Variants in NRN1 observed in about 807,000 individuals in gnomAD.
The protein encoded by NRN1 is neuritin.
A neutral mutation model predicts 15.0 loss-of-function variants in NRN1; 4 were observed. The observed-to-expected ratio is 0.27, with a 90% confidence interval of 0.13 to 0.61. NRN1 has a LOEUF of 0.61. Among genes scored for constraint, NRN1 ranks in the 20% least tolerant of loss-of-function variants. NRN1 has a pLI of 0.87. For missense variants in NRN1, 134 were observed against 181.9 expected (o/e 0.74, Z 1.51); for synonymous variants, 85 against 79.8 (o/e 1.07, Z -0.35).
At chr6:5,999,226 CAG>C (rs1157636053) in intron 2 of NRN1, 22 bp from the exon 3 acceptor site, 2 of 1,594,656 alleles carry the variant, frequency 1.3e-6, no homozygotes, top group Non-Finnish European at 8.6e-7. Flanking sequence ...CAGAACAAAA[CAG>C]AACAAGCAGG....
chr6:6,002,788 C>T (rs1484407585), intron 1 of NRN1: 1 of 447,460 alleles, frequency 2.2e-6, no homozygotes, highest in Non-Finnish European at 4.0e-6. Context: ...GCATCTCGCT[C>T]CGTATCTTTT....
chr6:6,002,885 C>T (rs1203310398), intron 1 of NRN1: 10 of 378,034 alleles, frequency 2.6e-5, no homozygotes, highest in East Asian at 8.1e-5. Context: ...CCAACACTTC[C>T]CCAGCAAGCC....
At chr6:5,999,523 G>C (rs1460563085) in intron 2 of NRN1, among the ~76,000 whole-genome samples, 1 of 152,264 alleles carries the variant, frequency 6.6e-6, no homozygotes, top group African/African-American at 2.4e-5. Context: ...CTGGCACCTC[G>C]GCCTCCGCAA....
chr6:5,999,643 C>T (rs1251222193), intron 2 of NRN1, among the ~76,000 whole-genome samples: 1 of 152,226 alleles, frequency 6.6e-6, no homozygotes, highest in African/African-American at 2.4e-5. Flanking sequence ...GCTCTGAGCA[C>T]GGCCCTCCCC....
At chr6:6,003,456 G>C (rs868295643) in intron 1 of NRN1, among the ~76,000 whole-genome samples, 1 of 152,182 alleles carries the variant, frequency 6.6e-6, no homozygotes, top group African/African-American at 2.4e-5. Context: ...CACTCCGGAC[G>C]GCAGCGGGGA....
At chr6:6,002,202 T>C in intron 2 of NRN1, 151 bp downstream of exon 2, 1 of 1,008,220 alleles carries the variant, frequency 9.9e-7, no homozygotes, top group African/African-American at 1.6e-5. Context: ...GGCCTGGTCC[T>C]AGGCCTGGGG....
At chr6:6,002,638 T>C (rs763486813) in intron 1 of NRN1, 141 bp from the exon 2 acceptor site, 135 of 1,120,652 alleles carry the variant, frequency 1.2e-4, no homozygotes, top group Non-Finnish European at 1.5e-4. Context: ...GGCTCGCCAG[T>C]GTTAAAGGTG....
At chr6:6,005,230 C>T (rs1758077708) in intron 1 of NRN1, among the ~76,000 whole-genome samples, 1 of 152,164 alleles carries the variant, frequency 6.6e-6, no homozygotes, top group African/African-American at 2.4e-5. Context: ...ACAACTCTCT[C>T]TCCTGCTCTC....
chr6:6,006,705 C>G lies in NRN1; in HGVS notation c.45G>C (p.Ala15=). The part of the protein sequence containing the change: ...LNGRYISLIL[A]VQIAYLVQAV... ...TGAGCGGCCACTTACCTATTTGCACCGCGAGGATCAGTGAAATATATCTGC... is the reference window on the plus strand; with the variant it reads ...TGAGCGGCCACTTACCTATTTGCACGGCGAGGATCAGTGAAATATATCTGC... Residue 15 remains alanine (A), a synonymous_variant, in exon 1 of 3, where the codon GCG becomes GCC. Coordinates refer to ENST00000244766, the MANE Select transcript of NRN1 (RefSeq NM_016588.3). 6.2e-7 allele frequency: 1 copy of G among 1,614,110 alleles called. No homozygotes were observed. Among genetic ancestry groups the G allele is most frequent in the Middle Eastern group, 1.6e-4 (1 of 6,062 alleles).
intron 1 of NRN1, among the ~76,000 whole-genome samples, chr6:6,005,626 A>G (rs1362018033): frequency 6.6e-6 from 1 of 152,108 alleles, no homozygotes; most frequent in Admixed American, 6.5e-5. Flanking sequence ...CTCCCCCAAT[A>G]CTGCAAGGAT....
intron 2 of NRN1, among the ~76,000 whole-genome samples, chr6:5,999,421 G>T (rs866318077): frequency 7.9e-5 from 12 of 151,786 alleles, no homozygotes; most frequent in East Asian, 5.8e-4. Context: ...AAGCGGGGGT[G>T]GGGGGGCGCC....
upstream of NRN1, chr6:6,006,969 G>C (rs555999648): frequency 2.5e-6 from 1 of 403,260 alleles, no homozygotes; most frequent in African/African-American, 2.2e-5. Flanking sequence ...CTGAGGGGGG[G>C]GGGAGAGCTG....
rs113442943 is a variant in NRN1, at chr6:6,002,560, T to C, written c.56-63A>G. ...ACCCCGCCCTGCCGCCCACTGCCCT[T>C]TCCTGCGAGACCCTGGCTCCGCGCG... On this transcript the variant is annotated intron_variant, in intron 1 of 2. Transcript: ENST00000244766. 3.7e-5 allele frequency: 58 copies of C among 1,575,916 alleles called. No homozygotes were observed. In the African/African-American group the frequency reaches 5.4e-4, roughly 15 times the overall value.
At chr6:6,007,066 AT>A (rs544210054), upstream of NRN1, 8,318 of 324,378 alleles carry the variant, frequency 0.026, 111 homozygotes, top group Middle Eastern at 0.053. Context: ...ACACGGAATG[AT>A]TTTTTTTTTA....
At chr6:6,005,110 C>T (rs557055189) in intron 1 of NRN1, among the ~76,000 whole-genome samples, 1 of 152,060 alleles carries the variant, frequency 6.6e-6, no homozygotes, top group African/African-American at 2.4e-5. Context: ...ACGCGTCCCT[C>T]AGGCACGACC....
intron 1 of NRN1, among the ~76,000 whole-genome samples, chr6:6,005,378 T>C (rs1758080881): frequency 1.3e-5 from 2 of 152,242 alleles, no homozygotes; most frequent in South Asian, 2.1e-4. Context: ...ATTTAAAGCA[T>C]TGTCATTTTT....
intron 1 of NRN1, among the ~76,000 whole-genome samples, chr6:6,004,436 C>G (rs557993255): frequency 6.6e-6 from 1 of 152,148 alleles, no homozygotes; most frequent in Middle Eastern, 3.2e-3. Flanking sequence ...CTTGCCTACA[C>G]CCCCAAAACT....
rs1478732344 is a variant in NRN1 at position 6,003,710 on chromosome 6, C to A, written c.56-1213G>T. ...GACTGGAAGGACAGGTACCAGGCTGCGGGCGCGCGGCTGTGGCCATCTCTT... is the reference window on the plus strand; with the variant it reads ...GACTGGAAGGACAGGTACCAGGCTGAGGGCGCGCGGCTGTGGCCATCTCTT... On this transcript the variant is annotated intron_variant, in intron 1 of 2. Transcript: ENST00000244766. The A allele has an allele frequency of 3.6e-5, 45 of 1,234,308 alleles. No individual in the cohort carries two copies. The East Asian group carries it at 1.4e-3, about 37-fold the overall frequency. 76.5% of individuals were successfully genotyped at this position (1,234,308 alleles called of 1,614,324 possible).
chr6:6,002,748 G>A (rs1582992808), intron 1 of NRN1: 2 of 559,258 alleles, frequency 3.6e-6, no homozygotes, highest in Non-Finnish European at 6.3e-6. Flanking sequence ...GGAGGTAGGT[G>A]AGTCCATTCC....
Sources: allele counts gnomAD v4.1 joint callset (sites outside exome capture counted in the v4.1 genomes callset), GRCh38; gene constraint gnomAD v4.1.1; transcripts MANE v1.5; gene names NCBI Gene and HGNC (gene_info 2026-07-23, HGNC 2026-07-21).